The following MTUS2 variants were observed in gnomAD, a reference collection of about 807,000 sequenced individuals.
The protein encoded by MTUS2 is microtubule associated scaffold protein 2, also known as microtubule-associated tumor suppressor candidate 2.
Under a neutral mutation model 114.1 loss-of-function variants are expected in MTUS2, and 40 were observed. That is an observed-to-expected ratio of 0.35 (90% CI 0.27 to 0.46). The LOEUF (loss-of-function observed/expected upper bound fraction) is 0.46, where lower values mean the gene tolerates loss of function less well. MTUS2 is among the 20% of genes least tolerant of loss of function. The probability of loss-of-function intolerance (pLI) is 1.00; values close to 1 mark genes in which losing one functional copy is unlikely to be tolerated. For missense variants in MTUS2, 1,679 were observed against 1,705.4 expected (o/e 0.98, Z 0.27); for synonymous variants, 688 against 672.0 (o/e 1.02, Z -0.37).
At chr13:29,076,112 A>G (rs1293093075) in intron 4 of MTUS2, among the ~76,000 whole-genome samples, 5 of 152,142 alleles carry the variant, frequency 3.3e-5, no homozygotes, top group Non-Finnish European at 7.4e-5. Flanking sequence ...ATTAACAAGA[A>G]TTCACTTCCC....
At chr13:29,243,543 G>A (rs1308614897) in intron 5 of MTUS2, among the ~76,000 whole-genome samples, 1 of 152,196 alleles carries the variant, frequency 6.6e-6, no homozygotes, top group Non-Finnish European at 1.5e-5. Context: ...GCAAGTAAGG[G>A]CTACTCTTTT....
chr13:29,017,790 A>G (rs947306486), intron 2 of MTUS2, among the ~76,000 whole-genome samples: 2 of 152,248 alleles, frequency 1.3e-5, no homozygotes, highest in African/African-American at 4.8e-5. Flanking sequence ...AGTGCCTACT[A>G]TGTGCAAAGT....
intron 8 of MTUS2, among the ~76,000 whole-genome samples, chr13:29,395,670 G>C (rs1354040657): frequency 6.6e-6 from 1 of 152,194 alleles, no homozygotes; most frequent in South Asian, 2.1e-4. Context: ...TTTATAATCA[G>C]TCCACTAGGC....
chr13:29,295,866 T>C (rs763641596), intron 6 of MTUS2, among the ~76,000 whole-genome samples: 4 of 152,114 alleles, frequency 2.6e-5, no homozygotes, highest in Non-Finnish European at 5.9e-5. Context: ...TCAGATCTCA[T>C]GAGACTTACT....
chr13:29,024,519 A>G lies in MTUS2; in HGVS notation c.-180A>G. On this transcript the variant is annotated 5_prime_UTR_variant, in exon 3 of 16. It adds an upstream start codon to the 5' untranslated region. Coordinates refer to ENST00000612955, the MANE Select transcript of MTUS2 (RefSeq NM_001033602.4). ...TAACAGATAAGTCTTCCTGCTGTATATCAAGACAATGCTTGGTTTTCAAGC... is the reference window on the plus strand; with the variant it reads ...TAACAGATAAGTCTTCCTGCTGTATGTCAAGACAATGCTTGGTTTTCAAGC... The G allele has an allele frequency of 1.4e-6, 1 of 698,470 alleles. No individual in the cohort carries two copies. Among genetic ancestry groups the G allele is most frequent in the South Asian group, 2.0e-5 (1 of 49,764 alleles). The allele number at this position is 698,470 out of a possible 1,614,324, so 43.3% of individuals were successfully genotyped here.
At chr13:29,491,261 A>C (rs1287811198) in intron 11 of MTUS2, among the ~76,000 whole-genome samples, 1 of 141,086 alleles carries the variant, frequency 7.1e-6, no homozygotes, top group Non-Finnish European at 1.5e-5. Context: ...AGGGCATGTA[A>C]GTGTGTCCTT....
At chr13:29,170,394 G>A (rs1893506452) in intron 5 of MTUS2, among the ~76,000 whole-genome samples, 1 of 152,132 alleles carries the variant, frequency 6.6e-6, no homozygotes, top group African/African-American at 2.4e-5. Flanking sequence ...AGAGCTTAAC[G>A]CCTATTCAGA....
chr13:29,115,802 G>A (rs116267457), intron 5 of MTUS2, among the ~76,000 whole-genome samples: 1,780 of 152,284 alleles, frequency 0.012, 32 homozygotes, highest in African/African-American at 0.04. Flanking sequence ...TACTTGTTTG[G>A]GCCTCAGGTT....
intron 8 of MTUS2, among the ~76,000 whole-genome samples, chr13:29,392,641 C>T (rs1207799686): frequency 6.6e-6 from 1 of 152,280 alleles, no homozygotes; most frequent in South Asian, 2.1e-4. Flanking sequence ...TTTAAATGCT[C>T]CTAGCTCAGC....
intron 5 of MTUS2, among the ~76,000 whole-genome samples, chr13:29,160,880 G>C (rs1416959471): frequency 6.6e-6 from 1 of 152,198 alleles, no homozygotes; most frequent in Non-Finnish European, 1.5e-5. Context: ...CAACCTTGAT[G>C]AATCTTCATT....
chr13:28,838,998 C>G (rs1040477048), intron 1 of MTUS2, among the ~76,000 whole-genome samples: 3 of 68,682 alleles, frequency 4.4e-5, no homozygotes, highest in African/African-American at 1.6e-4. Flanking sequence ...GGTTTTCAAT[C>G]CTGATTTTTT....
chr13:29,428,822 C>A (rs761473451), intron 8 of MTUS2: 140 of 1,613,722 alleles, frequency 8.7e-5, no homozygotes, highest in Non-Finnish European at 1.1e-4. Context: ...AGGAGGTCCC[C>A]TTGCCAGCCA....
chr13:28,982,715 G>A (rs1277848451), intron 2 of MTUS2, among the ~76,000 whole-genome samples: 3 of 152,220 alleles, frequency 2.0e-5, no homozygotes, highest in Non-Finnish European at 2.9e-5. Flanking sequence ...ATTCTGACAC[G>A]TGCTACAACA....
intron 8 of MTUS2, among the ~76,000 whole-genome samples, chr13:29,405,941 A>G (rs1593408404): frequency 6.6e-6 from 1 of 152,012 alleles, no homozygotes; most frequent in East Asian, 1.9e-4. Context: ...GGGTTTCACC[A>G]TGTTGGCCAG....
intron 2 of MTUS2, among the ~76,000 whole-genome samples, chr13:28,864,858 T>C (rs1024730331): frequency 6.6e-6 from 1 of 152,248 alleles, no homozygotes; most frequent in African/African-American, 2.4e-5. Flanking sequence ...CTTATTTTCA[T>C]GAGTATTGTC....
intron 5 of MTUS2, among the ~76,000 whole-genome samples, chr13:29,246,262 A>T (rs1397273999): frequency 6.6e-6 from 1 of 152,234 alleles, no homozygotes; most frequent in Non-Finnish European, 1.5e-5. Context: ...TAAAAGGGAC[A>T]GCAGGCAAGA....
At chr13:29,032,309 C>T (rs943154352) in intron 3 of MTUS2, among the ~76,000 whole-genome samples, 1 of 152,020 alleles carries the variant, frequency 6.6e-6, no homozygotes, top group South Asian at 2.1e-4. Context: ...AATTTTAATC[C>T]CTAAAAACAA....
intron 4 of MTUS2, among the ~76,000 whole-genome samples, chr13:29,042,207 G>C (rs1454661683): frequency 1.3e-5 from 2 of 152,080 alleles, no homozygotes; most frequent in African/African-American, 4.8e-5. Context: ...TGCTTTTTCT[G>C]TGTCTATTGA....
intron 4 of MTUS2, among the ~76,000 whole-genome samples, chr13:29,050,667 C>T (rs544971358): frequency 6.4e-4 from 98 of 152,322 alleles, no homozygotes; most frequent in African/African-American, 2.2e-3. Flanking sequence ...TGGTTCTACC[C>T]GTGTCCTGTG....
Sources: gnomAD v4.1 joint callset for allele counts (sites outside exome capture counted in the v4.1 genomes callset) on GRCh38, gnomAD v4.1.1 for gene constraint, MANE v1.5 for transcripts, NCBI Gene and HGNC (gene_info 2026-07-23, HGNC 2026-07-21) for gene names.